Variants in PPM1H observed in about 807,000 individuals in gnomAD.
PPM1H encodes protein phosphatase 1H.
Under a neutral mutation model 54.9 loss-of-function variants are expected in PPM1H, and 27 were observed. The ratio of observed to expected loss-of-function variants is 0.49; its 90% CI spans 0.36 to 0.68. PPM1H has a LOEUF of 0.68. Ranked by LOEUF, PPM1H falls within the 30% of genes least tolerant of loss-of-function variation. The probability of loss-of-function intolerance (pLI) is 0.00; values close to 1 mark genes in which losing one functional copy is unlikely to be tolerated. For synonymous variants in PPM1H, 305 were observed against 270.8 expected, an observed-to-expected ratio of 1.13 and a Z score of -1.24; for missense variants, 596 against 667.8, an observed-to-expected ratio of 0.89 and a Z score of 1.19.
intron 4 of PPM1H, among the ~76,000 whole-genome samples, chr12:62,773,693 CTG>C (rs2076592125): frequency 6.6e-6 from 1 of 152,094 alleles, no homozygotes; most frequent in Non-Finnish European, 1.5e-5. Context: ...GTGGCAGACA[CTG>C]TGTCTGCAGC....
chr12:62,831,768 T>C (rs971019827), intron 2 of PPM1H, among the ~76,000 whole-genome samples: 1 of 150,074 alleles, frequency 6.7e-6, no homozygotes, highest in African/African-American at 2.5e-5. Flanking sequence ...TGTATATATA[T>C]ATACACACAT....
chr12:62,887,869 G>A (rs987216902), intron 1 of PPM1H, among the ~76,000 whole-genome samples: 4 of 152,168 alleles, frequency 2.6e-5, no homozygotes, highest in African/African-American at 4.8e-5. Flanking sequence ...CAACTGCAAA[G>A]GTCTGAAGTG....
intron 1 of PPM1H, among the ~76,000 whole-genome samples, chr12:62,862,484 T>A (rs1869638030): frequency 6.6e-6 from 1 of 152,256 alleles, no homozygotes; most frequent in Non-Finnish European, 1.5e-5. Flanking sequence ...GAATGATATA[T>A]GATCCTTAGG....
chr12:62,677,631 C>T (rs2075995341), intron 8 of PPM1H, among the ~76,000 whole-genome samples: 1 of 152,208 alleles, frequency 6.6e-6, no homozygotes, highest in Non-Finnish European at 1.5e-5. Flanking sequence ...ACACCCCTCA[C>T]TGCTCTGTGC....
At chr12:62,664,825 G>C (rs2075907541) in intron 9 of PPM1H, among the ~76,000 whole-genome samples, 1 of 152,056 alleles carries the variant, frequency 6.6e-6, no homozygotes, top group African/African-American at 2.4e-5. Flanking sequence ...TTTATGTTTT[G>C]CCTGAAAATT....
chr12:62,711,573 C>T (rs1439013200), intron 6 of PPM1H, among the ~76,000 whole-genome samples: 1 of 152,158 alleles, frequency 6.6e-6, no homozygotes, highest in Non-Finnish European at 1.5e-5. Context: ...CAGCTATGTT[C>T]TTATCACATA....
chr12:62,766,005 A>ACCC (rs1273948984), intron 4 of PPM1H, among the ~76,000 whole-genome samples: 1 of 152,194 alleles, frequency 6.6e-6, no homozygotes, highest in Non-Finnish European at 1.5e-5. Flanking sequence ...TGGTGTGGCC[A>ACCC]CCCCACATTG....
At chr12:62,691,927 A>G (rs184321463) in intron 7 of PPM1H, among the ~76,000 whole-genome samples, 7 of 152,028 alleles carry the variant, frequency 4.6e-5, no homozygotes, top group Admixed American at 2.6e-4. Flanking sequence ...AAAAATTCTG[A>G]GTCCCTTGTG....
At chr12:62,747,727 C>CA (rs2120564489) in intron 4 of PPM1H, among the ~76,000 whole-genome samples, 1 of 152,298 alleles carries the variant, frequency 6.6e-6, no homozygotes, top group South Asian at 2.1e-4. Context: ...TAAAACCAGA[C>CA]AAAATCCCAA....
intron 8 of PPM1H, among the ~76,000 whole-genome samples, chr12:62,683,032 A>ATTATTTTTT (rs1555188720): frequency 2.4e-5 from 3 of 126,356 alleles, no homozygotes; most frequent in Non-Finnish European, 1.7e-5. Context: ...AGAGTTTATT[A>ATTATTTTTT]TTTATTATTA....
chr12:62,807,281 T>C (rs1204232184), intron 2 of PPM1H, among the ~76,000 whole-genome samples: 7 of 152,196 alleles, frequency 4.6e-5, no homozygotes, highest in African/African-American at 1.7e-4. Flanking sequence ...AATTTATGTT[T>C]TTAAAAGATC....
At chr12:62,774,023 C>G (rs368075164) in intron 4 of PPM1H, among the ~76,000 whole-genome samples, 33 of 152,244 alleles carry the variant, frequency 2.2e-4, no homozygotes, top group Non-Finnish European at 3.7e-4. Context: ...GCATTCCCCC[C>G]CAAACCTAAG....
intron 4 of PPM1H, among the ~76,000 whole-genome samples, chr12:62,787,735 G>A (rs947321177): frequency 6.6e-6 from 1 of 152,164 alleles, no homozygotes; most frequent in African/African-American, 2.4e-5. Flanking sequence ...GGTTAACAAT[G>A]ATCTCTTGGC....
chr12:62,816,336 T>A (rs1301351324), intron 2 of PPM1H, among the ~76,000 whole-genome samples: 2 of 152,212 alleles, frequency 1.3e-5, no homozygotes, highest in Non-Finnish European at 2.9e-5. Flanking sequence ...GTCTGGAAAA[T>A]GCTCTGAAAT....
intron 1 of PPM1H, among the ~76,000 whole-genome samples, chr12:62,907,043 A>C (rs1222751505): frequency 6.6e-6 from 1 of 152,248 alleles, no homozygotes; most frequent in Non-Finnish European, 1.5e-5. Context: ...CAGGGATTAA[A>C]TCAAACAAGA....
At chr12:62,896,397 T>G (rs1256532382) in intron 1 of PPM1H, among the ~76,000 whole-genome samples, 1 of 151,900 alleles carries the variant, frequency 6.6e-6, no homozygotes, top group East Asian at 1.9e-4. Flanking sequence ...TTAAACAAAT[T>G]TACAAGAAAA....
chr12:62,669,537 A>G lies in PPM1H; in HGVS notation c.1246-2208T>C, dbSNP rs191620297. 1.3e-4 allele frequency among the ~76,000 whole-genome samples: 20 copies of G among 152,306 alleles called. No homozygotes were observed. The East Asian group carries it at 2.3e-3, about 18-fold the overall frequency. ...GCCAGATTTGTACACAAGGGAATCAACGTCTCAGTGGACTTTATGATGACT... is the reference window on the plus strand; with the variant it reads ...GCCAGATTTGTACACAAGGGAATCAGCGTCTCAGTGGACTTTATGATGACT... On this transcript the variant is annotated intron_variant, in intron 8 of 9. Coordinates refer to ENST00000228705, the MANE Select transcript of PPM1H (RefSeq NM_020700.2).
intron 1 of PPM1H, among the ~76,000 whole-genome samples, chr12:62,903,615 C>T (rs1380556588): frequency 6.6e-6 from 1 of 152,124 alleles, no homozygotes; most frequent in African/African-American, 2.4e-5. Context: ...AAAATATCCA[C>T]CCACCGCCAA....
chr12:62,867,564 A>ATTTTTTTTTT lies in PPM1H; in HGVS notation c.246-35295_246-35286dup, dbSNP rs34772338. Among the ~76,000 whole-genome samples the ATTTTTTTTTT allele has an allele frequency of 3.4e-4, 19 of 55,370 alleles. 2 individuals carry two copies. Among genetic ancestry groups the ATTTTTTTTTT allele is most frequent in the African/African-American group, 1.0e-3 (16 of 15,610 alleles). 36.3% of individuals were successfully genotyped at this position (55,370 alleles called of 152,430 possible). A position where few individuals can be genotyped will look rare whatever the true frequency, so the allele number is the denominator to read the frequency against. The stretch of plus-strand genomic sequence containing the variant: ...TCCTGAAATACATCTTATGAGCACT[A>ATTTTTTTTTT]TTTTTTTTTTTTTTTTTTTTTTTTT... On this transcript the variant is annotated intron_variant, in intron 1 of 9. Coordinates refer to ENST00000228705, the MANE Select transcript of PPM1H (RefSeq NM_020700.2).
Sources: allele counts gnomAD v4.1 joint callset (sites outside exome capture counted in the v4.1 genomes callset), GRCh38; gene constraint gnomAD v4.1.1; transcripts MANE v1.5; gene names NCBI Gene and HGNC (gene_info 2026-07-23, HGNC 2026-07-21).